Variants in RTL9 observed in about 807,000 individuals in gnomAD.
RTL9 encodes retrotransposon Gag-like protein 9.
RTL9 carries 19 observed loss-of-function variants against 44.7 expected under a neutral mutation model. The ratio of observed to expected loss-of-function variants is 0.42; its 90% CI spans 0.30 to 0.62. The LOEUF is 0.62. RTL9 is among the 20% of genes least tolerant of loss of function. RTL9 has a pLI of 0.16. For missense variants in RTL9, 1,105 were observed against 1,080.6 expected, an observed-to-expected ratio of 1.02 and a Z score of -0.32; for synonymous variants, 407 against 398.9, an observed-to-expected ratio of 1.02 and a Z score of -0.24.
At chrX:110,396,618 C>A (rs2068530473) in intron 1 of RTL9, among the ~76,000 whole-genome samples, 1 of 111,889 alleles carries the variant, frequency 8.9e-6, no homozygotes, top group African/African-American at 3.2e-5. Flanking sequence ...TCACAATGTG[C>A]CCTTTTAGGT....
intron 1 of RTL9, among the ~76,000 whole-genome samples, chrX:110,364,544 G>A (rs758924989): frequency 9.0e-6 from 1 of 111,442 alleles, no homozygotes; most frequent in African/African-American, 3.3e-5. Context: ...TTATCAAGAT[G>A]AATTAATAAA....
intron 1 of RTL9, among the ~76,000 whole-genome samples, chrX:110,393,551 G>C (rs1362767839): frequency 1.8e-5 from 2 of 111,670 alleles, no homozygotes; most frequent in Non-Finnish European, 3.8e-5. Flanking sequence ...CCTAAGGCCT[G>C]TGCTATTTGC....
chrX:110,432,560 C>G (rs771325987), intron 1 of RTL9, among the ~76,000 whole-genome samples: 17 of 112,025 alleles, frequency 1.5e-4, no homozygotes, highest in African/African-American at 4.5e-4. Context: ...GTGAGCGTGG[C>G]ACCTCATTGC....
chrX:110,439,426 T>C (rs1403587546), intron 1 of RTL9, among the ~76,000 whole-genome samples: 1 of 112,283 alleles, frequency 8.9e-6, no homozygotes, highest in Non-Finnish European at 1.9e-5. Context: ...TGGAGGAGTT[T>C]CTAGATTTTT....
chrX:110,428,764 C>A (rs781633571), intron 1 of RTL9, among the ~76,000 whole-genome samples: 3 of 111,978 alleles, frequency 2.7e-5, no homozygotes, highest in East Asian at 5.6e-4. Flanking sequence ...TACCTCCCCC[C>A]ATTCCCCTAT....
exon 1 of RTL9, chrX:110,450,722 C>T (rs769344726): frequency 5.7e-5 from 69 of 1,208,818 alleles, no homozygotes; most frequent in Non-Finnish European, 7.5e-5. Flanking sequence ...TGACAGAGAC[C>T]AGAGCAGACG....
At chrX:110,367,031 T>G in intron 1 of RTL9, among the ~76,000 whole-genome samples, 1 of 112,078 alleles carries the variant, frequency 8.9e-6, no homozygotes, top group Non-Finnish European at 1.9e-5. Context: ...TATTTGTATT[T>G]GTATCCATAA....
intron 1 of RTL9, among the ~76,000 whole-genome samples, chrX:110,371,862 C>T (rs920236785): frequency 2.7e-5 from 3 of 111,277 alleles, no homozygotes; most frequent in Non-Finnish European, 5.7e-5. Flanking sequence ...GGGTGCTTCA[C>T]CATCCTTTTT....
chrX:110,450,701 C>T (rs1488793474), exon 1 of RTL9: 2 of 1,211,019 alleles, frequency 1.7e-6, no homozygotes, highest in Admixed American at 2.2e-5. Flanking sequence ...AGATGGCCTT[C>T]TGTAGACCAA....
At chrX:110,423,003 C>T (rs1184894918) in intron 1 of RTL9, among the ~76,000 whole-genome samples, 3 of 111,794 alleles carry the variant, frequency 2.7e-5, no homozygotes, top group South Asian at 3.8e-4. Context: ...GATCCCACCC[C>T]GTCATGTCCT....
At position 110,429,751 on chromosome X, in the gene RTL9, G is replaced by T. The variant is rs2013207963; in HGVS notation, c.-168+10616G>T. Among the ~76,000 whole-genome samples, 4 of 111,802 alleles carry T rather than the reference G, an allele frequency of 3.6e-5. No homozygotes were observed. In the Admixed American group the frequency reaches 3.8e-4, roughly 11 times the overall value. On this transcript the variant is annotated intron_variant, in intron 1 of 3. Coordinates refer to the RTL9 transcript ENST00000465301. ...CCTGTCTCGGCCTCCCAAAGTGCTGGGATTACAGGCGTTGAGCCACCATGC... is the reference window on the plus strand; with the variant it reads ...CCTGTCTCGGCCTCCCAAAGTGCTGTGATTACAGGCGTTGAGCCACCATGC...
At chrX:110,364,382 A>G (rs2068283521) in intron 1 of RTL9, among the ~76,000 whole-genome samples, 1 of 111,428 alleles carries the variant, frequency 9.0e-6, no homozygotes, top group Non-Finnish European at 1.9e-5. Context: ...GGGCGGTGAC[A>G]CAATTCAACC....
chrX:110,388,752 G>A (rs181871079), intron 1 of RTL9, among the ~76,000 whole-genome samples: 1 of 111,811 alleles, frequency 8.9e-6, no homozygotes, highest in East Asian at 2.8e-4. Context: ...TGATGCTGAT[G>A]CTCCTGGTCC....
intron 1 of RTL9, among the ~76,000 whole-genome samples, chrX:110,361,679 C>T (rs976002692): frequency 3.6e-5 from 4 of 112,280 alleles, no homozygotes; most frequent in Non-Finnish European, 5.6e-5. Context: ...AGCGCCTTCT[C>T]GCCATTCTCT....
intron 1 of RTL9, among the ~76,000 whole-genome samples, chrX:110,372,448 G>A (rs938169222): frequency 1.8e-5 from 2 of 111,537 alleles, no homozygotes; most frequent in Non-Finnish European, 3.8e-5. Flanking sequence ...GCACATAAAG[G>A]CTTAAGTTTG....
chrX:110,441,071 G>T (rs1299055519), intron 1 of RTL9, among the ~76,000 whole-genome samples: 1 of 112,014 alleles, frequency 8.9e-6, no homozygotes, highest in East Asian at 2.8e-4. Context: ...TGGCCCTGGG[G>T]TTTAAGAAGA....
intron 1 of RTL9, among the ~76,000 whole-genome samples, chrX:110,428,915 G>A (rs114747071): frequency 1.1e-3 from 119 of 112,340 alleles, no homozygotes; most frequent in African/African-American, 3.7e-3. Context: ...TTCAGGGTCC[G>A]ATGCGACGGC....
chrX:110,413,677 C>T (rs1033638130), intron 1 of RTL9, among the ~76,000 whole-genome samples: 3 of 109,802 alleles, frequency 2.7e-5, no homozygotes, highest in Non-Finnish European at 5.7e-5. Flanking sequence ...CAGTCAGAAC[C>T]CCCTACCATC....
chrX:110,368,350 C>G (rs2068312857), intron 1 of RTL9, among the ~76,000 whole-genome samples: 1 of 111,176 alleles, frequency 9.0e-6, no homozygotes, highest in African/African-American at 3.3e-5. Flanking sequence ...CATGATCTAC[C>G]TTCATTCCCA....
Sources: gnomAD v4.1 joint callset for allele counts (sites outside exome capture counted in the v4.1 genomes callset) on GRCh38, gnomAD v4.1.1 for gene constraint, MANE v1.5 for transcripts, NCBI Gene and HGNC (gene_info 2026-07-23, HGNC 2026-07-21) for gene names.